BRWD1: variants seen among roughly 807,000 people sequenced by gnomAD.
The protein encoded by BRWD1 is bromodomain and WD repeat domain containing 1, also known as bromodomain and WD repeat-containing protein 1.
Under a neutral mutation model 251.2 loss-of-function variants are expected in BRWD1, and 82 were observed. The ratio of observed to expected loss-of-function variants is 0.33; its 90% CI spans 0.27 to 0.39. The LOEUF is 0.39. Ranked by LOEUF, BRWD1 falls within the 10% of genes least tolerant of loss-of-function variation. The pLI is 1.00. For synonymous variants in BRWD1, 918 were observed against 902.8 expected (o/e 1.02, Z -0.30); for missense variants, 2,233 against 2,711.6 (o/e 0.82, Z 3.92).
Position 39,194,262 on chromosome 21 carries a change from G to A in BRWD1, c.*1997C>T, listed in dbSNP as rs180924119. On this transcript the variant is annotated 3_prime_UTR_variant, in exon 41 of 41. Transcript: ENST00000342449. The stretch of plus-strand genomic sequence containing the variant: ...ATGAATGTATTCCATATTTATTTAT[G>A]GATTTTTTTGGTACCTTTTTGCAAA... The A allele has an allele frequency of 1.0e-6, 1 of 988,710 alleles. No homozygotes were observed. The highest frequency in any genetic ancestry group is 1.1e-4 in the East Asian group (1 of 9,130). 61.2% of individuals were successfully genotyped at this position (988,710 alleles called of 1,614,324 possible).
At chr21:39,305,898 G>A (rs1244958870) in intron 4 of BRWD1, among the ~76,000 whole-genome samples, 1 of 151,444 alleles carries the variant, frequency 6.6e-6, no homozygotes, top group Non-Finnish European at 1.5e-5. Context: ...TCGGGGTGTG[G>A]CTGCGCCCTC....
chr21:39,295,003 A>C (rs542783247), intron 7 of BRWD1, among the ~76,000 whole-genome samples: 1 of 152,234 alleles, frequency 6.6e-6, no homozygotes, highest in South Asian at 2.1e-4. Context: ...GGGTTATTTT[A>C]TAATCAACCC....
intron 8 of BRWD1, among the ~76,000 whole-genome samples, chr21:39,281,340 T>G (rs138018846): frequency 6.6e-6 from 1 of 152,260 alleles, no homozygotes; most frequent in African/African-American, 2.4e-5. Context: ...TTAACTGGAA[T>G]ACAGCTCCAC....
chr21:39,214,435 A>T (rs2032796358), intron 32 of BRWD1, among the ~76,000 whole-genome samples: 1 of 152,088 alleles, frequency 6.6e-6, no homozygotes, highest in South Asian at 2.1e-4. Flanking sequence ...AAGTAACATA[A>T]CTATACTCTA....
chr21:39,196,997 C>G lies in BRWD1; in HGVS notation c.6072G>C (p.Leu2024Phe). The change falls in exon 41 of 41, where the codon TTG becomes TTC. Residue 2024 changes from leucine (L) to phenylalanine (F), a missense_variant. Physicochemically the swap from Leu to Phe is conservative, Grantham distance 22 (BLOSUM62 0). Coordinates refer to ENST00000342449, the MANE Select transcript of BRWD1 (RefSeq NM_033656.4). The stretch of plus-strand genomic sequence containing the variant: ...TATGCCTGTGCTTGTGTTCTGAATT[C>G]AACATATCTTCAGAGTCTGAGTCTC... Reference protein sequence around the residue: ...LNGDSDSEDMLNSEHKHRHTN... With the variant: ...LNGDSDSEDMFNSEHKHRHTN... 1 of 1,614,032 alleles carries G rather than the reference C, an allele frequency of 6.2e-7. No homozygotes were observed. Among genetic ancestry groups the G allele is most frequent in the Non-Finnish European group, 8.5e-7 (1 of 1,179,964 alleles).
intron 5 of BRWD1, chr21:39,296,864 C>CA: frequency 1.0e-6 from 1 of 980,748 alleles, no homozygotes; most frequent in African/African-American, 1.7e-5. Context: ...TCCAACTTTT[C>CA]AAAAATGGAA....
rs905306160 is a variant in BRWD1, at chr21:39,190,344, A to G, written c.*5915T>C. 6 of 985,094 alleles carry G rather than the reference A, an allele frequency of 6.1e-6. No homozygotes were observed. In the Admixed American group the frequency reaches 3.7e-4, roughly 61 times the overall value. 61.0% of individuals were successfully genotyped at this position (985,094 alleles called of 1,614,324 possible). On this transcript the variant is annotated 3_prime_UTR_variant, in exon 41 of 41. Transcript: ENST00000342449. Reference sequence around the variant, plus strand: ...CATATGGTTACTACAGAAGCATTATAAAATTTTCATTGGCATTTTTAAAAT... The same window carrying G: ...CATATGGTTACTACAGAAGCATTATGAAATTTTCATTGGCATTTTTAAAAT...
chr21:39,278,025 T>C (rs1341836347), intron 10 of BRWD1, among the ~76,000 whole-genome samples: 2 of 152,066 alleles, frequency 1.3e-5, no homozygotes, highest in African/African-American at 4.8e-5. Context: ...TTGTTTTGTT[T>C]TTTTTTAGAG....
intron 19 of BRWD1, among the ~76,000 whole-genome samples, chr21:39,252,869 T>C (rs2034441845): frequency 1.3e-5 from 2 of 152,226 alleles, no homozygotes; most frequent in South Asian, 2.1e-4. Flanking sequence ...TTCCTTTGAC[T>C]AGAAATGCCC....
chr21:39,313,735 G>C, upstream of BRWD1: 1 of 390,396 alleles, frequency 2.6e-6, no homozygotes, highest in Non-Finnish European at 4.6e-6. Flanking sequence ...ACCGGAGCTC[G>C]TGTCCCGCCC....
In BRWD1 at chr21:39,218,136, G is replaced by A; in HGVS notation, c.3659+16C>T. ...ATATAGCTTTTTAAACATTTTGAAA[G>A]CAGGTTTCTACTAACCTGTAAAATC... On this transcript the variant is annotated intron_variant, in intron 31 of 40. Coordinates refer to ENST00000342449, the MANE Select transcript of BRWD1 (RefSeq NM_033656.4). 1.3e-6 allele frequency: 2 copies of A among 1,582,542 alleles called. No individual in the cohort carries two copies. The highest frequency in any genetic ancestry group is 2.7e-5 in the African/African-American group (2 of 73,304).
chr21:39,264,846 CTGA>C (rs2034869718), intron 16 of BRWD1, 42 bp downstream of exon 16: 1 of 1,596,446 alleles, frequency 6.3e-7, no homozygotes, highest in South Asian at 1.1e-5. Context: ...CAAAACACAG[CTGA>C]TAACTATTAC....
chr21:39,264,974 G>A lies in BRWD1; in HGVS notation c.1576C>T (p.Gln526Ter). The A allele has an allele frequency of 6.2e-7, 1 of 1,613,892 alleles. No individual in the cohort carries two copies. The highest frequency in any genetic ancestry group is 8.5e-7 in the Non-Finnish European group (1 of 1,179,854). Residue 526 changes from glutamine (Q) to a stop codon, truncating the protein, a stop_gained, in exon 16 of 41, where the codon CAG becomes TAG. Transcript: ENST00000342449. LOFTEE classifies it high-confidence loss of function. ...GTACAGGCAAAATGCTGTCCATCCT[G>A]TGAAAACTTACAGTCAAACACAGCT... ...HGAVFDCKFS[Q>*]DGQHFACTDS...
intron 29 of BRWD1, among the ~76,000 whole-genome samples, chr21:39,221,384 CAAT>C (rs1372805485): frequency 7.9e-5 from 12 of 151,750 alleles, no homozygotes; most frequent in Admixed American, 2.6e-4. Flanking sequence ...TAAAACAAAG[CAAT>C]AATAACTAAT....
intron 15 of BRWD1, among the ~76,000 whole-genome samples, chr21:39,266,149 G>C (rs1022680934): frequency 6.6e-6 from 1 of 152,020 alleles, no homozygotes. Flanking sequence ...GTCACTGCTT[G>C]AATAGTGATA....
chr21:39,205,237 G>A (rs1037163770), intron 37 of BRWD1, among the ~76,000 whole-genome samples: 1 of 152,194 alleles, frequency 6.6e-6, no homozygotes, highest in African/African-American at 2.4e-5. Context: ...ATATTGGGAG[G>A]CCAAGGTGGA....
chr21:39,246,217 C>G (rs1314533306), intron 21 of BRWD1, among the ~76,000 whole-genome samples: 1 of 151,854 alleles, frequency 6.6e-6, no homozygotes, highest in Non-Finnish European at 1.5e-5. Flanking sequence ...ATAAAAAGAC[C>G]CCCCAAAAAA....
intron 1 of BRWD1, among the ~76,000 whole-genome samples, chr21:39,320,435 A>G (rs1439846888): frequency 6.6e-6 from 1 of 152,088 alleles, no homozygotes; most frequent in Non-Finnish European, 1.5e-5. Flanking sequence ...TTCAGGCACA[A>G]TTGATCCTCC....
chr21:39,296,139 A>G (rs2035956504), intron 6 of BRWD1, 126 bp downstream of exon 6: 1 of 724,838 alleles, frequency 1.4e-6, no homozygotes, highest in Non-Finnish European at 2.1e-6. Context: ...GACATTTGAT[A>G]CTTATTACTA....
Sources: allele counts gnomAD v4.1 joint callset (sites outside exome capture counted in the v4.1 genomes callset), GRCh38; gene constraint gnomAD v4.1.1; transcripts MANE v1.5; gene names NCBI Gene and HGNC (gene_info 2026-07-23, HGNC 2026-07-21).